Variants in PLXNC1 observed in about 807,000 individuals in gnomAD.
PLXNC1 encodes the protein plexin C1.
A neutral mutation model predicts 178.2 loss-of-function variants in PLXNC1; 75 were observed. That is an observed-to-expected ratio of 0.42 (90% CI 0.35 to 0.51). PLXNC1 has a LOEUF of 0.51. Ranked by LOEUF, PLXNC1 falls within the 20% of genes least tolerant of loss-of-function variation. The pLI, the probability that PLXNC1 is intolerant of heterozygous loss-of-function variation, is 0.02. For missense variants in PLXNC1, 1,503 were observed against 1,984.4 expected, an observed-to-expected ratio of 0.76 and a Z score of 4.61; for synonymous variants, 790 against 779.9, an observed-to-expected ratio of 1.01 and a Z score of -0.22.
chr12:94,229,688 G>A (rs1015411467), intron 9 of PLXNC1, among the ~76,000 whole-genome samples: 2 of 152,026 alleles, frequency 1.3e-5, no homozygotes, highest in South Asian at 2.1e-4. Context: ...TGGCACCCTC[G>A]TTGAAAATCA....
At chr12:94,267,472 T>C (rs1209263995) in intron 21 of PLXNC1, among the ~76,000 whole-genome samples, 1 of 152,232 alleles carries the variant, frequency 6.6e-6, no homozygotes, top group Non-Finnish European at 1.5e-5. Flanking sequence ...AATTTTTTTT[T>C]CTTTATAGCC....
intron 2 of PLXNC1, among the ~76,000 whole-genome samples, chr12:94,170,351 C>T (rs976875609): frequency 1.3e-5 from 2 of 152,210 alleles, no homozygotes; most frequent in African/African-American, 4.8e-5. Flanking sequence ...ATCCCCAAGC[C>T]AAACCTATTT....
chr12:94,177,219 GTATATATATACATATATATA>G (rs1259634781), intron 2 of PLXNC1, among the ~76,000 whole-genome samples: 1 of 88,456 alleles, frequency 1.1e-5, no homozygotes, highest in Non-Finnish European at 2.2e-5. Flanking sequence ...ATATGTGTGT[GTATATATATACATATATATA>G]TATATATATA....
intron 4 of PLXNC1, among the ~76,000 whole-genome samples, chr12:94,207,088 T>C (rs1963322824): frequency 6.6e-6 from 1 of 152,202 alleles, no homozygotes; most frequent in Admixed American, 6.5e-5. Context: ...TAATCTGCAG[T>C]ATTTGAGAAG....
chr12:94,256,604 A>G (rs1964849224), intron 17 of PLXNC1, among the ~76,000 whole-genome samples: 1 of 152,184 alleles, frequency 6.6e-6, no homozygotes, highest in Non-Finnish European at 1.5e-5. Flanking sequence ...CAAAGGTTGC[A>G]TCACGAGTCC....
At chr12:94,300,103 C>G (rs1309126326) in intron 27 of PLXNC1, among the ~76,000 whole-genome samples, 1 of 152,142 alleles carries the variant, frequency 6.6e-6, no homozygotes, top group Non-Finnish European at 1.5e-5. Flanking sequence ...CTACTATGGG[C>G]CAAGCAGTTA....
intron 12 of PLXNC1, 146 bp from the exon 13 acceptor site, chr12:94,247,757 T>C (rs1964569171): frequency 1.4e-6 from 1 of 692,610 alleles, no homozygotes; most frequent in African/African-American, 1.8e-5. Context: ...GTCAATCCTG[T>C]GAGGGAGGTA....
Position 94,303,811 on chromosome 12 carries a change from A to G in PLXNC1, c.4442A>G (p.Glu1481Gly). 6.2e-7 allele frequency: 1 copy of G among 1,611,324 alleles called. No individual in the cohort carries two copies. The highest frequency in any genetic ancestry group is 8.5e-7 in the Non-Finnish European group (1 of 1,179,132). The change falls in exon 29 of 31, where the codon GAA becomes GGA. Residue 1481 changes from glutamate to glycine, a missense_variant. By Grantham distance (98) the Glu-to-Gly change is moderately conservative. This residue lies in a region of PLXNC1 where 639 missense variants were observed against 979.7 expected (regional missense o/e 0.65). Transcript: ENST00000258526. ...AAGGATATCCCAACCTACAAAGAAG[A>G]AGTAAAATCTTATTACAAAGCAATC... ...YAKDIPTYKEEVKSYYKAIRD... is the reference protein window; with the variant it reads ...YAKDIPTYKEGVKSYYKAIRD...
intron 23 of PLXNC1, among the ~76,000 whole-genome samples, chr12:94,285,099 G>A (rs563007259): frequency 7.1e-6 from 1 of 140,890 alleles, no homozygotes; most frequent in African/African-American, 2.6e-5. Context: ...AGATGAGGGT[G>A]GGGTCAAAGA....
Position 94,297,298 on chromosome 12 carries a change from C to G in PLXNC1, c.3967-18C>G. 6.2e-7 allele frequency: 1 copy of G among 1,612,918 alleles called. No individual in the cohort carries two copies. The highest frequency in any genetic ancestry group is 1.3e-5 in the African/African-American group (1 of 75,014). On this transcript the variant is annotated intron_variant, in intron 25 of 30. Transcript: ENST00000258526. ...AGAGTGGTCTCCTTGGGTAACGCTT[C>G]TGCTGTCTTCCCTTCAGATTTTACC...
intron 3 of PLXNC1, among the ~76,000 whole-genome samples, chr12:94,183,319 CA>C (rs977128865): frequency 6.6e-6 from 1 of 152,178 alleles, no homozygotes; most frequent in Non-Finnish European, 1.5e-5. Flanking sequence ...CTGAGATGGC[CA>C]CATCTTCCCA....
At chr12:94,244,338 C>T (rs557652307) in intron 12 of PLXNC1, among the ~76,000 whole-genome samples, 30 of 152,212 alleles carry the variant, frequency 2.0e-4, no homozygotes, top group African/African-American at 2.6e-4. Flanking sequence ...GAAAATGCTC[C>T]GTGAATGGTT....
At chr12:94,275,631 A>C (rs1320259249) in intron 21 of PLXNC1, among the ~76,000 whole-genome samples, 1 of 86,596 alleles carries the variant, frequency 1.2e-5, no homozygotes, top group Non-Finnish European at 2.3e-5. Flanking sequence ...AGGCGGGCGG[A>C]TCACGAGGTC....
At position 94,259,591 on chromosome 12, in the gene PLXNC1, A is replaced by T. The variant is rs530448707; in HGVS notation, c.3127-19A>T. On this transcript the variant is annotated intron_variant, in intron 18 of 30. Transcript: ENST00000258526. ...TATATGATTTTGTATTATACTATAT[A>T]TTTTTTTCTTTTTATCAGAACAGAG... 82 of 1,539,590 alleles carry T rather than the reference A, an allele frequency of 5.3e-5. 2 individuals carry two copies. The South Asian group carries it at 9.5e-4, about 18-fold the overall frequency.
At chr12:94,157,380 G>A (rs1039668661) in intron 1 of PLXNC1, among the ~76,000 whole-genome samples, 2 of 152,190 alleles carry the variant, frequency 1.3e-5, no homozygotes, top group African/African-American at 4.8e-5. Flanking sequence ...TTGGCACACA[G>A]ATGATGAAGA....
chr12:94,263,643 AAG>A (rs1350148469), intron 20 of PLXNC1, among the ~76,000 whole-genome samples: 1 of 151,378 alleles, frequency 6.6e-6, no homozygotes, highest in South Asian at 2.1e-4. Flanking sequence ...GGTGGAGGGA[AAG>A]AGAAGAGAAG....
intron 4 of PLXNC1, among the ~76,000 whole-genome samples, chr12:94,206,190 A>G (rs1963292228): frequency 6.6e-6 from 1 of 152,114 alleles, no homozygotes; most frequent in African/African-American, 2.4e-5. Flanking sequence ...GTTTTCAAAC[A>G]GTGAACTTAG....
intron 3 of PLXNC1, among the ~76,000 whole-genome samples, chr12:94,185,305 C>T (rs938645441): frequency 2.0e-5 from 3 of 152,164 alleles, no homozygotes; most frequent in African/African-American, 4.8e-5. Flanking sequence ...TTGTTTTCCT[C>T]ACAAAATAGA....
In PLXNC1 at chr12:94,209,649, C is replaced by T. The variant is rs760717500; in HGVS notation, c.1499C>T (p.Ser500Leu). Residue 500 changes from serine (S) to leucine (L), a missense_variant, in exon 5 of 31, where the codon TCG becomes TTG. Physicochemically the swap from Ser to Leu is moderately radical, Grantham distance 145. Around this residue, in one of 4 missense-constraint regions of PLXNC1, gnomAD observed 615 missense variants for 698.6 expected, o/e 0.88. Coordinates refer to ENST00000258526, the MANE Select transcript of PLXNC1 (RefSeq NM_005761.3). ...AACTTAGAAAACTGGCTGGATATTT[C>T]GTCTGGAGCAAAAAAGTGCCCTAAA... ...SENLENWLDI[S>L]SGAKKCPKIQ... The T allele has an allele frequency of 2.8e-5, 45 of 1,608,776 alleles. No individual in the cohort carries two copies. Among genetic ancestry groups the T allele is most frequent in the African/African-American group, 8.0e-5 (6 of 74,710 alleles).
Sources: allele counts gnomAD v4.1 joint callset (sites outside exome capture counted in the v4.1 genomes callset), GRCh38; gene constraint gnomAD v4.1.1; regional missense constraint gnomAD v4.1.1; transcripts MANE v1.5; gene names NCBI Gene and HGNC (gene_info 2026-07-23, HGNC 2026-07-21).